Variants in FBXO36 observed in about 807,000 individuals in gnomAD.
FBXO36 encodes the protein F-box protein 36.
Under a neutral mutation model 17.0 loss-of-function variants are expected in FBXO36, and 18 were observed. The ratio of observed to expected loss-of-function variants is 1.06; its 90% confidence interval spans 0.73 to 1.57. The LOEUF is 1.57. Ranked by LOEUF, FBXO36 falls within the 40% of genes most tolerant of loss-of-function variation. The pLI, the probability that FBXO36 is intolerant of heterozygous loss-of-function variation, is 0.00. For missense variants in FBXO36, 229 were observed against 221.9 expected (o/e 1.03, Z -0.20); for synonymous variants, 83 against 85.3 (o/e 0.97, Z 0.15).
intron 2 of FBXO36, among the ~76,000 whole-genome samples, chr2:229,994,002 G>A (rs1194852404): frequency 6.6e-6 from 1 of 151,754 alleles, no homozygotes; most frequent in Admixed American, 6.6e-5. Flanking sequence ...TCGATCTCCT[G>A]ACCTCGTGAT....
intron 1 of FBXO36, among the ~76,000 whole-genome samples, chr2:229,935,749 T>A (rs2076960630): frequency 6.6e-6 from 1 of 152,132 alleles, no homozygotes; most frequent in African/African-American, 2.4e-5. Context: ...AATCATTTTT[T>A]AAAAAATGGA....
At chr2:230,007,192 A>G (rs900620809) in intron 3 of FBXO36, among the ~76,000 whole-genome samples, 7 of 152,220 alleles carry the variant, frequency 4.6e-5, no homozygotes, top group Non-Finnish European at 1.0e-4. Context: ...CCTTGATGCT[A>G]TCCATTTCCT....
chr2:229,960,968 G>A (rs1012068912), intron 1 of FBXO36, among the ~76,000 whole-genome samples: 1 of 152,096 alleles, frequency 6.6e-6, no homozygotes, highest in African/African-American at 2.4e-5. Flanking sequence ...AATTAGCTGG[G>A]TGTGGTGGCG....
At chr2:230,001,835 T>A (rs1363140414) in intron 3 of FBXO36, among the ~76,000 whole-genome samples, 1 of 151,976 alleles carries the variant, frequency 6.6e-6, no homozygotes, top group Non-Finnish European at 1.5e-5. Context: ...ATTGTTTTTT[T>A]AAGAGACAAA....
intron 1 of FBXO36, among the ~76,000 whole-genome samples, chr2:229,923,979 C>G (rs1333534493): frequency 6.6e-6 from 1 of 151,002 alleles, no homozygotes. Flanking sequence ...CTCTTGATCT[C>G]GTGATCCGCC....
intron 1 of FBXO36, among the ~76,000 whole-genome samples, chr2:229,961,835 A>G (rs375920766): frequency 1.3e-5 from 2 of 152,132 alleles, no homozygotes; most frequent in Non-Finnish European, 2.9e-5. Context: ...AATGCCTCTC[A>G]ATTTGTTCAG....
chr2:229,975,782 C>G (rs973825844), intron 1 of FBXO36, among the ~76,000 whole-genome samples: 2 of 116,266 alleles, frequency 1.7e-5, no homozygotes, highest in Non-Finnish European at 1.7e-5. Context: ...AGCCTTTGAC[C>G]TGATCTATTT....
chr2:229,948,994 CG>C (rs1177589452), intron 1 of FBXO36, among the ~76,000 whole-genome samples: 1 of 152,158 alleles, frequency 6.6e-6, no homozygotes, highest in Non-Finnish European at 1.5e-5. Flanking sequence ...CCACCACACC[CG>C]GCTAATTTTT....
intron 2 of FBXO36, among the ~76,000 whole-genome samples, chr2:229,982,306 G>A (rs929656342): frequency 1.3e-5 from 2 of 152,006 alleles, no homozygotes; most frequent in Non-Finnish European, 1.5e-5. Context: ...GATTACATGC[G>A]TGGGCCACTG....
chr2:229,945,541 G>T (rs1435638682), intron 1 of FBXO36, among the ~76,000 whole-genome samples: 2 of 151,478 alleles, frequency 1.3e-5, no homozygotes, highest in Non-Finnish European at 2.9e-5. Context: ...CCCGACCTCA[G>T]GTGATCCACC....
intron 3 of FBXO36, among the ~76,000 whole-genome samples, chr2:230,005,665 TATTC>T (rs977514669): frequency 1.8e-4 from 28 of 151,894 alleles, no homozygotes; most frequent in Admixed American, 9.8e-4. Flanking sequence ...TTCATTCATT[TATTC>T]ATTCATTCAT....
intron 1 of FBXO36, among the ~76,000 whole-genome samples, chr2:229,967,592 TG>T (rs1357015013): frequency 6.6e-6 from 1 of 152,228 alleles, no homozygotes; most frequent in African/African-American, 2.4e-5. Context: ...CATGAAGGGC[TG>T]TTGAATTTCA....
intron 2 of FBXO36, among the ~76,000 whole-genome samples, chr2:229,982,334 C>T (rs2077244688): frequency 1.3e-5 from 2 of 152,048 alleles, no homozygotes; most frequent in Admixed American, 6.6e-5. Flanking sequence ...CCTCCTTCCT[C>T]TATCTGCAAA....
chr2:229,936,300 A>C (rs895612151), intron 1 of FBXO36, among the ~76,000 whole-genome samples: 5 of 152,164 alleles, frequency 3.3e-5, no homozygotes, highest in Admixed American at 1.3e-4. Context: ...TCACAGTTCT[A>C]TCCTACAACT....
At chr2:229,938,989 G>A (rs2076982254) in intron 1 of FBXO36, among the ~76,000 whole-genome samples, 2 of 151,698 alleles carry the variant, frequency 1.3e-5, no homozygotes, top group Middle Eastern at 3.4e-3. Flanking sequence ...TCGAGCCACC[G>A]CGCCCAGCCG....
intron 1 of FBXO36, among the ~76,000 whole-genome samples, chr2:229,929,732 G>A (rs545281618): frequency 5.9e-5 from 9 of 151,974 alleles, no homozygotes; most frequent in South Asian, 2.1e-4. Flanking sequence ...GGTGGCGCAC[G>A]CCTGTAGTCC....
chr2:229,952,025 C>CT (rs909242253), intron 1 of FBXO36, among the ~76,000 whole-genome samples: 7 of 152,044 alleles, frequency 4.6e-5, no homozygotes, highest in Admixed American at 3.9e-4. Context: ...TTTATTTAAA[C>CT]TTTTTTTCAA....
intron 1 of FBXO36, among the ~76,000 whole-genome samples, chr2:229,930,824 GGA>G (rs1369245271): frequency 6.6e-6 from 1 of 152,164 alleles, no homozygotes; most frequent in African/African-American, 2.4e-5. Context: ...CAGCTGTGCT[GGA>G]GCCCTCCTCG....
chr2:230,003,081 C>A (rs1033781141), intron 3 of FBXO36, among the ~76,000 whole-genome samples: 7 of 151,874 alleles, frequency 4.6e-5, no homozygotes, highest in Non-Finnish European at 1.0e-4. Context: ...GGTGTGGTGG[C>A]ATGCGCCTAT....
Sources: allele counts gnomAD v4.1 joint callset (sites outside exome capture counted in the v4.1 genomes callset), GRCh38; gene constraint gnomAD v4.1.1; transcripts MANE v1.5; gene names NCBI Gene and HGNC (gene_info 2026-07-23, HGNC 2026-07-21).